VAPB: variants seen among roughly 807,000 people sequenced by gnomAD.
VAPB encodes vesicle-associated membrane protein-associated protein B/C.
VAPB carries 7 observed loss-of-function variants against 25.6 expected under a neutral mutation model. That is an observed-to-expected ratio of 0.27 (90% CI 0.16 to 0.51). The LOEUF (loss-of-function observed/expected upper bound fraction) is 0.51. Ranked by LOEUF, VAPB falls within the 20% of genes least tolerant of loss-of-function variation. VAPB has a pLI of 0.97. For missense variants in VAPB, 266 were observed against 301.3 expected, an observed-to-expected ratio of 0.88 and a Z score of 0.87; for synonymous variants, 112 against 109.2, an observed-to-expected ratio of 1.03 and a Z score of -0.16.
chr20:58,402,780 G>A (rs1988131168), intron 1 of VAPB, among the ~76,000 whole-genome samples: 1 of 152,128 alleles, frequency 6.6e-6, no homozygotes, highest in Non-Finnish European at 1.5e-5. Context: ...CGAGGCAAGC[G>A]AATCAGTTGA....
chr20:58,396,651 C>T (rs1234766082), intron 1 of VAPB, among the ~76,000 whole-genome samples: 1 of 152,096 alleles, frequency 6.6e-6, no homozygotes, highest in East Asian at 1.9e-4. Flanking sequence ...TGAAATGTGC[C>T]CCCCAACACC....
At chr20:58,390,571 G>A (rs1987770500) in intron 1 of VAPB, among the ~76,000 whole-genome samples, 1 of 152,132 alleles carries the variant, frequency 6.6e-6, no homozygotes, top group Non-Finnish European at 1.5e-5. Context: ...CAACACACAA[G>A]ATCATTGCAG....
intron 2 of VAPB, chr20:58,431,019 G>A (rs1034631650): frequency 6.6e-6 from 1 of 152,210 alleles, no homozygotes; most frequent in Non-Finnish European, 1.5e-5. Context: ...TTGGAAAAGG[G>A]GAGAGTATGT....
intron 5 of VAPB, 55 bp from the exon 6 acceptor site, chr20:58,444,022 G>A (rs914822696): frequency 6.2e-7 from 1 of 1,613,370 alleles, no homozygotes; most frequent in African/African-American, 1.3e-5. Flanking sequence ...CTGTACAGTT[G>A]ACTCCCCTTT....
intron 5 of VAPB, among the ~76,000 whole-genome samples, chr20:58,443,160 G>A (rs1283044680): frequency 6.6e-6 from 1 of 152,162 alleles, no homozygotes; most frequent in African/African-American, 2.4e-5. Flanking sequence ...CATGTAGTTT[G>A]GGGACAAGGG....
rs560446427 is a variant in VAPB, at chr20:58,426,552, G to A, written c.212-8050G>A. Among the ~76,000 whole-genome samples, 31 of 152,278 alleles carry A rather than the reference G, an allele frequency of 2.0e-4. No homozygotes were observed. The East Asian group carries it at 3.9e-3, about 19-fold the overall frequency. The stretch of plus-strand genomic sequence containing the variant: ...GCATGATGTGTGGCCTGAGTGATGC[G>A]CACACCTGTTGGAGCAGAAGGGAGG... On this transcript the variant is annotated intron_variant, in intron 2 of 5. Coordinates refer to ENST00000475243, the MANE Select transcript of VAPB (RefSeq NM_004738.5).
In VAPB at chr20:58,439,044, A is replaced by C; in HGVS notation, c.396+19A>C. On this transcript the variant is annotated intron_variant, in intron 4 of 5. Coordinates refer to ENST00000475243, the MANE Select transcript of VAPB (RefSeq NM_004738.5). ...TAAACCAGTAAGTATATTTATAGTT[A>C]ACAATAATTGAATGTTGTAAGCTGA... The C allele has an allele frequency of 6.3e-7, 1 of 1,599,740 alleles. No homozygotes were observed. Among genetic ancestry groups the C allele is most frequent in the Non-Finnish European group, 8.6e-7 (1 of 1,167,638 alleles).
intron 1 of VAPB, among the ~76,000 whole-genome samples, chr20:58,398,066 CAT>C (rs1988006551): frequency 6.6e-6 from 1 of 152,188 alleles, no homozygotes; most frequent in Non-Finnish European, 1.5e-5. Flanking sequence ...AAGTTGAAAA[CAT>C]ATTAGATACA....
At position 58,448,252 on chromosome 20, in the gene VAPB, A is replaced by G; in HGVS notation, c.*4017A>G. 1 of 454,114 alleles carries G rather than the reference A, an allele frequency of 2.2e-6. No homozygotes were observed. Among genetic ancestry groups the G allele is most frequent in the South Asian group, 1.6e-5 (1 of 64,478 alleles). 28.1% of individuals were successfully genotyped at this position (454,114 alleles called of 1,614,324 possible). ...TAAGGCCAACGACCACTCTTCTGGA[A>G]CACCAAGAGCAGCTCTGAGATCATG... On this transcript the variant is annotated 3_prime_UTR_variant, in exon 6 of 6. Transcript: ENST00000475243.
chr20:58,412,189 G>A (rs1353901363), intron 1 of VAPB, among the ~76,000 whole-genome samples: 1 of 152,058 alleles, frequency 6.6e-6, no homozygotes, highest in African/African-American at 2.4e-5. Context: ...CAAATCCAAG[G>A]CCATCTAGAT....
chr20:58,391,118 G>A (rs1380361889), intron 1 of VAPB, among the ~76,000 whole-genome samples: 5 of 152,196 alleles, frequency 3.3e-5, no homozygotes, highest in African/African-American at 9.7e-5. Flanking sequence ...CACTTGAGTT[G>A]TCTGAAGTTC....
At chr20:58,419,196 G>T (rs548324137) in intron 2 of VAPB, among the ~76,000 whole-genome samples, 1 of 152,198 alleles carries the variant, frequency 6.6e-6, no homozygotes, top group Non-Finnish European at 1.5e-5. Context: ...TTTGAAATGA[G>T]TATCTCTCTG....
At chr20:58,398,211 C>T (rs924972294) in intron 1 of VAPB, among the ~76,000 whole-genome samples, 2 of 152,182 alleles carry the variant, frequency 1.3e-5, no homozygotes, top group African/African-American at 4.8e-5. Context: ...TCATGTACTG[C>T]ATATTACTAG....
chr20:58,446,846 G>T lies in VAPB; in HGVS notation c.*2611G>T, dbSNP rs755478871. On this transcript the variant is annotated 3_prime_UTR_variant, in exon 6 of 6. Coordinates refer to ENST00000475243, the MANE Select transcript of VAPB (RefSeq NM_004738.5). ...GGAAAAGAAAGAATGTGGAGCACGC[G>T]TGGCTCCTGGAGGACTTGGAGATGC... 15 of 453,950 alleles carry T rather than the reference G, an allele frequency of 3.3e-5. No individual in the cohort carries two copies. The highest frequency in any genetic ancestry group is 2.4e-4 in the African/African-American group (12 of 49,984). The allele number at this position is 453,950 out of a possible 1,614,324, so 28.1% of individuals were successfully genotyped here. A position where few individuals can be genotyped will look rare whatever the true frequency, so the allele number is the denominator to read the frequency against.
At chr20:58,428,953 T>A (rs530085137) in intron 2 of VAPB, among the ~76,000 whole-genome samples, 2 of 152,258 alleles carry the variant, frequency 1.3e-5, no homozygotes, top group East Asian at 3.9e-4. Context: ...CTGGCTGATG[T>A]AGGAGCCCAC....
Position 58,449,741 on chromosome 20 carries a change from C to G in VAPB, c.*5506C>G, listed in dbSNP as rs542294605. The stretch of plus-strand genomic sequence containing the variant: ...CGATTACAATTGCTTTATTACACCC[C>G]AGGGCTGATGGAGATGTAATCACTT... On this transcript the variant is annotated 3_prime_UTR_variant, in exon 6 of 6. Coordinates refer to ENST00000475243, the MANE Select transcript of VAPB (RefSeq NM_004738.5). 100 of 454,028 alleles carry G rather than the reference C, an allele frequency of 2.2e-4. 2 individuals are homozygous for G. In the East Asian group the frequency reaches 3.3e-3, roughly 15 times the overall value. The allele number at this position is 454,028 out of a possible 1,614,324, so 28.1% of individuals were successfully genotyped here.
chr20:58,447,209 A>G lies in VAPB; in HGVS notation c.*2974A>G. 2.2e-6 allele frequency: 1 copy of G among 454,106 alleles called. No individual in the cohort carries two copies. 28.1% of individuals were successfully genotyped at this position (454,106 alleles called of 1,614,324 possible). ...CGGTGACAGAATCCTGAAAGTTTTT[A>G]TTGATTGAAGTTTTAAATTGGTAAC... On this transcript the variant is annotated 3_prime_UTR_variant, in exon 6 of 6. Transcript: ENST00000475243.
Position 58,444,269 on chromosome 20 carries a change from T to C in VAPB, c.*34T>C. ...TGCACAGGATGGTAAATTGGATTGG[T>C]GGATCCACCATATCATGGGATTTAA... On this transcript the variant is annotated 3_prime_UTR_variant, in exon 6 of 6. Transcript: ENST00000475243. The C allele has an allele frequency of 6.2e-7, 1 of 1,613,674 alleles. No homozygotes were observed. Among genetic ancestry groups the C allele is most frequent in the Non-Finnish European group, 8.5e-7 (1 of 1,179,560 alleles).
intron 3 of VAPB, among the ~76,000 whole-genome samples, chr20:58,437,060 T>C (rs1462674074): frequency 7.5e-6 from 1 of 133,990 alleles, no homozygotes; most frequent in African/African-American, 2.9e-5. Flanking sequence ...AGTGCAGTGG[T>C]GCAGTCATGG....
Sources: gnomAD v4.1 joint callset for allele counts (sites outside exome capture counted in the v4.1 genomes callset) on GRCh38, gnomAD v4.1.1 for gene constraint, MANE v1.5 for transcripts, NCBI Gene and HGNC (gene_info 2026-07-23, HGNC 2026-07-21) for gene names.